EEF2K: variants seen among roughly 807,000 people sequenced by gnomAD.
EEF2K encodes the protein eukaryotic elongation factor 2 kinase, also known as alternative protein EEF2K.
EEF2K carries 70 observed loss-of-function variants against 93.8 expected under a neutral mutation model. The ratio of observed to expected loss-of-function variants is 0.75; its 90% CI spans 0.62 to 0.91. The LOEUF is 0.91. Among genes scored for constraint, EEF2K ranks in the 40% least tolerant of loss-of-function variants. The pLI, the probability that EEF2K is intolerant of heterozygous loss-of-function variation, is 0.00. For synonymous variants in EEF2K, 376 were observed against 380.8 expected, an observed-to-expected ratio of 0.99 and a Z score of 0.15; for missense variants, 935 against 972.9, an observed-to-expected ratio of 0.96 and a Z score of 0.52.
intron 2 of EEF2K, among the ~76,000 whole-genome samples, chr16:22,230,897 G>A (rs2047108334): frequency 6.6e-6 from 1 of 152,062 alleles, no homozygotes; most frequent in South Asian, 2.1e-4. Flanking sequence ...CCCAAAGGGG[G>A]ATTACAGGAG....
chr16:22,214,193 C>A (rs2046939308), intron 1 of EEF2K, among the ~76,000 whole-genome samples: 1 of 152,152 alleles, frequency 6.6e-6, no homozygotes, highest in East Asian at 1.9e-4. Context: ...ATCCTCAGAA[C>A]AACCCCTGCA....
At chr16:22,280,552 C>G (rs35015982) in intron 17 of EEF2K, among the ~76,000 whole-genome samples, 176 bp downstream of exon 17, 2 of 151,984 alleles carry the variant, frequency 1.3e-5, no homozygotes, top group Admixed American at 1.3e-4. Flanking sequence ...TTATATATTA[C>G]GGCTTTGTAG....
chr16:22,266,329 C>T, intron 13 of EEF2K, 61 bp from the exon 14 acceptor site: 1 of 1,561,402 alleles, frequency 6.4e-7, no homozygotes, highest in Non-Finnish European at 8.7e-7. Flanking sequence ...GGGCTGCTGA[C>T]AGCTGTGATG....
intron 1 of EEF2K, among the ~76,000 whole-genome samples, chr16:22,216,476 C>T (rs1419301014): frequency 6.7e-6 from 1 of 149,076 alleles, no homozygotes; most frequent in Non-Finnish European, 1.5e-5. Context: ...AGCTCTTCTG[C>T]TTACTTATCA....
chr16:22,231,578 T>C (rs898019806), intron 2 of EEF2K, among the ~76,000 whole-genome samples: 7 of 152,116 alleles, frequency 4.6e-5, no homozygotes, highest in African/African-American at 1.7e-4. Context: ...TTTTAAACTT[T>C]TAAAGTTACA....
chr16:22,262,422 A>G (rs975959402), intron 11 of EEF2K, among the ~76,000 whole-genome samples: 1 of 152,094 alleles, frequency 6.6e-6, no homozygotes, highest in Non-Finnish European at 1.5e-5. Context: ...AGACAGGACA[A>G]TCACTTCAGC....
At position 22,208,828 on chromosome 16, in the gene EEF2K, G is replaced by A. The variant is rs551586152; in HGVS notation, c.-77+2149G>A. ...ATGGGTCACCAGTACCCATGTTCTC[G>A]TCCTCCTGGGGTGCTCCCTGGATGA... On this transcript the variant is annotated intron_variant, in intron 1 of 17. Coordinates refer to ENST00000263026, the MANE Select transcript of EEF2K (RefSeq NM_013302.5). 2.8e-4 allele frequency among the ~76,000 whole-genome samples: 42 copies of A among 152,226 alleles called. No homozygotes were observed. The South Asian group carries it at 7.7e-3, about 28-fold the overall frequency.
At chr16:22,257,173 C>A (rs1016322779) in intron 7 of EEF2K, 80 bp from the exon 8 acceptor site, 5 of 1,591,732 alleles carry the variant, frequency 3.1e-6, no homozygotes, top group Non-Finnish European at 4.3e-6. Flanking sequence ...AGCCCCTCAG[C>A]ATGGGCAGAG....
At chr16:22,254,310 AC>A (rs926496273) in intron 6 of EEF2K, among the ~76,000 whole-genome samples, 1 of 152,028 alleles carries the variant, frequency 6.6e-6, no homozygotes, top group African/African-American at 2.4e-5. Flanking sequence ...TTTGGGCAGA[AC>A]CCTCTGAGAA....
At chr16:22,224,052 C>T (rs940900853) in intron 1 of EEF2K, among the ~76,000 whole-genome samples, 1 of 151,848 alleles carries the variant, frequency 6.6e-6, no homozygotes, top group Non-Finnish European at 1.5e-5. Flanking sequence ...ACTAAAAATA[C>T]AAAAATTAGC....
At chr16:22,221,684 TAAA>T (rs1248642253) in intron 1 of EEF2K, among the ~76,000 whole-genome samples, 3 of 152,190 alleles carry the variant, frequency 2.0e-5, no homozygotes, top group Admixed American at 2.0e-4. Flanking sequence ...TGGTTTGATG[TAAA>T]AAAATTTTTA....
chr16:22,217,364 T>C (rs1216251940), intron 1 of EEF2K, among the ~76,000 whole-genome samples: 1 of 151,938 alleles, frequency 6.6e-6, no homozygotes. Context: ...ACCCCACCTA[T>C]ATGATCATAT....
chr16:22,220,946 G>A (rs542355537), intron 1 of EEF2K, among the ~76,000 whole-genome samples: 1 of 152,200 alleles, frequency 6.6e-6, no homozygotes, highest in South Asian at 2.1e-4. Flanking sequence ...AGGCGCTGGG[G>A]CTGGGAGCAG....
At chr16:22,242,001 G>A (rs2047228236) in intron 2 of EEF2K, among the ~76,000 whole-genome samples, 2 of 151,994 alleles carry the variant, frequency 1.3e-5, no homozygotes, top group African/African-American at 4.8e-5. Flanking sequence ...AAATTAGCTG[G>A]GCATGGTGAC....
chr16:22,269,090 C>G (rs2047552537), intron 15 of EEF2K, among the ~76,000 whole-genome samples: 1 of 152,112 alleles, frequency 6.6e-6, no homozygotes, highest in Non-Finnish European at 1.5e-5. Context: ...CTAGGACTTC[C>G]TTAAGAAATT....
chr16:22,283,978 G>T lies in EEF2K; in HGVS notation c.2160G>T (p.Trp720Cys). 3 of 1,581,900 alleles carry T rather than the reference G, an allele frequency of 1.9e-6. No individual in the cohort carries two copies. Among genetic ancestry groups the T allele is most frequent in the Non-Finnish European group, 1.7e-6 (2 of 1,163,666 alleles). ...ACTACCAAAAGGCTGAAGAGGCCTG[G>T]GCCCAGATGGAGGAGTAACCAGGAA... ...NQYYQKAEEA[W>C]AQMEE The change falls in exon 18 of 18, where the codon TGG (tryptophan) becomes TGT (cysteine). Residue 720 changes from tryptophan (W) to cysteine (C), a missense_variant. By Grantham distance (215) the Trp-to-Cys change is radical. Coordinates refer to ENST00000263026, the MANE Select transcript of EEF2K (RefSeq NM_013302.5).
chr16:22,279,230 ACT>A (rs2047669352), intron 16 of EEF2K, among the ~76,000 whole-genome samples: 1 of 133,586 alleles, frequency 7.5e-6, no homozygotes, highest in Non-Finnish European at 1.6e-5. Flanking sequence ...AAGCAACTTG[ACT>A]CCTCTTTTTT....
At chr16:22,226,350 T>TA (rs1228602024) in intron 2 of EEF2K, among the ~76,000 whole-genome samples, 2 of 132,830 alleles carry the variant, frequency 1.5e-5, no homozygotes, top group Admixed American at 1.6e-4. Context: ...TTTTTTTTTT[T>TA]AAAGAAATGG....
Position 22,286,045 on chromosome 16 carries a change from T to C in EEF2K, c.*2049T>C, listed in dbSNP as rs1471765504. The C allele has an allele frequency of 6.6e-6, 1 of 152,128 alleles. No individual in the cohort carries two copies. Among genetic ancestry groups the C allele is most frequent in the Admixed American group, 6.6e-5 (1 of 15,252 alleles). 9.4% of individuals were successfully genotyped at this position (152,128 alleles called of 1,614,324 possible). ...GGCACAAACCCATGCAAGCGTTAGT[T>C]CCAAAGTTCAGTGTGTACCCTTAAA... is the stretch of plus-strand genomic sequence containing the variant. On this transcript the variant is annotated 3_prime_UTR_variant, in exon 18 of 18. Transcript: ENST00000263026.
Sources: allele counts gnomAD v4.1 joint callset (sites outside exome capture counted in the v4.1 genomes callset), GRCh38; gene constraint gnomAD v4.1.1; transcripts MANE v1.5; gene names NCBI Gene and HGNC (gene_info 2026-07-23, HGNC 2026-07-21).